Variants in LARP1 observed in about 807,000 individuals in gnomAD.
The protein encoded by LARP1 is la-related protein 1.
Under a neutral mutation model 122.7 loss-of-function variants are expected in LARP1, and 36 were observed. The ratio of observed to expected loss-of-function variants is 0.29; its 90% CI spans 0.22 to 0.39. LARP1 has a LOEUF of 0.39. LARP1 is among the 10% of genes least tolerant of loss of function. The pLI is 1.00. For synonymous variants in LARP1, 539 were observed against 528.7 expected, an observed-to-expected ratio of 1.02 and a Z score of -0.27; for missense variants, 1,040 against 1,403.6, an observed-to-expected ratio of 0.74 and a Z score of 4.14.
chr5:154,746,960 C>A (rs1156522314), intron 1 of LARP1, among the ~76,000 whole-genome samples: 1 of 152,130 alleles, frequency 6.6e-6, no homozygotes, highest in African/African-American at 2.4e-5. Flanking sequence ...CATGGTGAAA[C>A]TCCGTCTCTA....
Position 154,755,789 on chromosome 5 carries a change from G to A in LARP1, c.32G>A (p.Gly11Glu), listed in dbSNP as rs757274461. ...ACTCAGGTGGAGCCGCTGCTGCCTG[G>A]GGGCGCCACGCTCTTGCAGGCCGAA... MATQVEPLLP[G>E]GATLLQAEEH... Residue 11 changes from glycine to glutamate, a missense_variant, in exon 1 of 19, where the codon GGG (glycine) becomes GAG (glutamate). Coordinates refer to ENST00000518297, the MANE Select transcript of LARP1 (RefSeq NM_033551.3). 1.0e-6 allele frequency: 1 copy of A among 989,380 alleles called. No homozygotes were observed. Among genetic ancestry groups the A allele is most frequent in the African/African-American group, 1.7e-5 (1 of 57,208 alleles). 61.3% of individuals were successfully genotyped at this position (989,380 alleles called of 1,614,324 possible). A position where few individuals can be genotyped will look rare whatever the true frequency, so the allele number is the denominator to read the frequency against.
In LARP1 at chr5:154,793,710, C is replaced by A; in HGVS notation, c.855C>A (p.Arg285=). The A allele has an allele frequency of 6.2e-7, 1 of 1,614,156 alleles. No individual in the cohort carries two copies. The highest frequency in any genetic ancestry group is 8.5e-7 in the Non-Finnish European group (1 of 1,180,024). The change falls in exon 5 of 19, where the codon CGC becomes CGA. Residue 285 remains arginine, a synonymous_variant. Transcript: ENST00000518297. ...AGCCTAGACACATACCTGCCAATCGCGGAGAGATCAAAGGTATGCACTACC... is the reference window on the plus strand; with the variant it reads ...AGCCTAGACACATACCTGCCAATCGAGGAGAGATCAAAGGTATGCACTACC... ...PPEPRHIPAN[R]GEIKGSESAT...
intron 1 of LARP1, among the ~76,000 whole-genome samples, chr5:154,715,399 G>C (rs1755441887): frequency 6.6e-6 from 1 of 151,202 alleles, no homozygotes; most frequent in Admixed American, 6.6e-5. Context: ...TGAGTAGCTG[G>C]GATTACAGGC....
At chr5:154,798,884 A>T (rs923934548) in intron 8 of LARP1, among the ~76,000 whole-genome samples, 1 of 149,094 alleles carries the variant, frequency 6.7e-6, no homozygotes, top group African/African-American at 2.6e-5. Flanking sequence ...TGTTTGTTTG[A>T]GACGGAGTCT....
rs1284202657 is a variant in LARP1, at chr5:154,799,863, C to T, written c.1547-10C>T. 6.2e-7 allele frequency: 1 copy of T among 1,612,930 alleles called. No individual in the cohort carries two copies. Among genetic ancestry groups the T allele is most frequent in the African/African-American group, 1.3e-5 (1 of 75,004 alleles). On this transcript the variant is annotated splice_polypyrimidine_tract_variant and intron_variant, in intron 9 of 18. Transcript: ENST00000518297. ...TGGAGGGATGAGGACTTCCCCTTTC[C>T]ACCCTTTAGAGTCGGCACCTGGCTC...
chr5:154,692,163 A>G (rs1393010929), intron 1 of LARP1, among the ~76,000 whole-genome samples: 2 of 152,152 alleles, frequency 1.3e-5, no homozygotes, highest in Admixed American at 1.3e-4. Flanking sequence ...ACCCCTTAGA[A>G]CGGTGGAGAA....
intron 1 of LARP1, among the ~76,000 whole-genome samples, chr5:154,688,653 C>CAAAAAAAAA (rs10677648): frequency 1.3e-5 from 1 of 79,442 alleles, no homozygotes; most frequent in Non-Finnish European, 2.2e-5. Context: ...GACTCCATCT[C>CAAAAAAAAA]AAAAAAAAAA....
intron 1 of LARP1, among the ~76,000 whole-genome samples, chr5:154,780,303 A>C (rs1756316605): frequency 6.6e-6 from 1 of 152,178 alleles, no homozygotes; most frequent in African/African-American, 2.4e-5. Context: ...GGGATTGGAA[A>C]TGGGGCCCCT....
intron 1 of LARP1, among the ~76,000 whole-genome samples, chr5:154,714,093 G>A (rs925797475): frequency 2.0e-5 from 3 of 152,200 alleles, no homozygotes; most frequent in Non-Finnish European, 4.4e-5. Flanking sequence ...GCAAAATGGG[G>A]ATTGTAATCT....
Position 154,790,364 on chromosome 5 carries a change from C to G in LARP1, c.476C>G (p.Pro159Arg). 3 of 1,613,764 alleles carry G rather than the reference C, an allele frequency of 1.9e-6. No individual in the cohort carries two copies. The highest frequency in any genetic ancestry group is 2.5e-6 in the Non-Finnish European group (3 of 1,179,842). ...GCCAAGGTGGTGAGGGCAGCTGTTC[C>G]TAAACAGCGCAAAGGCAGCAAGGTA... ...APAKVVRAAV[P>R]KQRKGSKVGD... Residue 159 changes from proline to arginine, a missense_variant, in exon 2 of 19, where the codon CCT (proline) becomes CGT (arginine). Coordinates refer to ENST00000518297, the MANE Select transcript of LARP1 (RefSeq NM_033551.3).
chr5:154,693,862 A>G (rs1225145526), intron 1 of LARP1, among the ~76,000 whole-genome samples: 1 of 150,580 alleles, frequency 6.6e-6, no homozygotes, highest in Non-Finnish European at 1.5e-5. Context: ...TCTAAAAAAA[A>G]AAAAAAAAAA....
In LARP1 at chr5:154,781,936, C is replaced by T. The variant is rs1046751084; in HGVS notation, c.437-8389C>T. Reference sequence around the variant, plus strand: ...TACACACAGATGCAACCATTTCAGGCGGTAGTGAGTACCCTGAAGATCTTA... The same window carrying T: ...TACACACAGATGCAACCATTTCAGGTGGTAGTGAGTACCCTGAAGATCTTA... On this transcript the variant is annotated intron_variant, in intron 1 of 18. Coordinates refer to ENST00000518297, the MANE Select transcript of LARP1 (RefSeq NM_033551.3). 2.0e-5 allele frequency among the ~76,000 whole-genome samples: 3 copies of T among 152,110 alleles called. 1 individual carries two copies. The highest frequency in any genetic ancestry group is 4.8e-5 in the African/African-American group (2 of 41,408).
intron 1 of LARP1, among the ~76,000 whole-genome samples, chr5:154,758,551 G>C (rs934371181): frequency 6.6e-6 from 1 of 152,156 alleles, no homozygotes; most frequent in Non-Finnish European, 1.5e-5. Context: ...CCTTTCTCTG[G>C]AGCCTACGTG....
intron 1 of LARP1, among the ~76,000 whole-genome samples, chr5:154,690,672 C>T (rs978991202): frequency 7.2e-5 from 11 of 152,306 alleles, no homozygotes; most frequent in Admixed American, 1.3e-4. Flanking sequence ...TTTGTACCCC[C>T]AGCTGCGGAG....
At position 154,793,491 on chromosome 5, in the gene LARP1, G is replaced by T. The variant is rs1212678130; in HGVS notation, c.740-104G>T. ...GGGATCTGCCCAAGGTAACCAGATT[G>T]TGATTTGGGCCCAAGTCCAGGGCAG... is the stretch of plus-strand genomic sequence containing the variant. On this transcript the variant is annotated intron_variant, in intron 4 of 18. Transcript: ENST00000518297. The T allele has an allele frequency of 2.1e-6, 3 of 1,428,846 alleles. No homozygotes were observed. In the African/African-American group the frequency reaches 4.2e-5, roughly 20 times the overall value. The allele number at this position is 1,428,846 out of a possible 1,614,324, so 88.5% of individuals were successfully genotyped here.
chr5:154,694,421 AT>A (rs3060307), intron 1 of LARP1, among the ~76,000 whole-genome samples: 40,657 of 148,964 alleles, frequency 0.27, 7,796 homozygotes, highest in African/African-American at 0.54. Context: ...ATACCTGGCC[AT>A]TTTTTTTTTT....
At chr5:154,756,391 G>A (rs1015811776) in intron 1 of LARP1, 198 bp downstream of exon 1, 1 of 993,660 alleles carries the variant, frequency 1.0e-6, no homozygotes, top group Non-Finnish European at 1.2e-6. Flanking sequence ...CCTGCCCGAG[G>A]GCCCGGCCTC....
At chr5:154,723,485 A>T (rs1415398560) in intron 1 of LARP1, among the ~76,000 whole-genome samples, 2 of 152,172 alleles carry the variant, frequency 1.3e-5, no homozygotes, top group East Asian at 3.8e-4. Flanking sequence ...GTAAACCCTA[A>T]AACATGAGTT....
chr5:154,735,015 A>G (rs977676784), intron 1 of LARP1, among the ~76,000 whole-genome samples: 10 of 152,110 alleles, frequency 6.6e-5, no homozygotes, highest in Non-Finnish European at 1.3e-4. Flanking sequence ...TTCCTTTTTA[A>G]AGCTGAATAA....
Sources: allele counts gnomAD v4.1 joint callset (sites outside exome capture counted in the v4.1 genomes callset), GRCh38; gene constraint gnomAD v4.1.1; transcripts MANE v1.5; gene names NCBI Gene and HGNC (gene_info 2026-07-23, HGNC 2026-07-21).